Variants in SRGAP1 observed in about 807,000 individuals in gnomAD.
The protein encoded by SRGAP1 is SLIT-ROBO Rho GTPase activating protein 1.
SRGAP1 carries 43 observed loss-of-function variants against 121.9 expected under a neutral mutation model. The observed-to-expected ratio is 0.35, with a 90% CI of 0.28 to 0.46. The LOEUF is 0.46. SRGAP1 is among the 20% of genes least tolerant of loss of function. The pLI is 1.00. For missense variants in SRGAP1, 1,102 were observed against 1,350.9 expected (o/e 0.82, Z 2.89); for synonymous variants, 447 against 485.4 (o/e 0.92, Z 1.04).
At chr12:64,021,927 A>G (rs1054105338) in intron 4 of SRGAP1, among the ~76,000 whole-genome samples, 29 of 152,238 alleles carry the variant, frequency 1.9e-4, no homozygotes, top group African/African-American at 6.5e-4. Context: ...TGAGTTAAAC[A>G]TTTGAAAGCA....
Position 64,122,467 on chromosome 12 carries a change from T to A in SRGAP1, c.2225-3510T>A, listed in dbSNP as rs528561045. Among the ~76,000 whole-genome samples, 59 of 152,262 alleles carry A rather than the reference T, an allele frequency of 3.9e-4. No homozygotes were observed. In the Middle Eastern group the frequency reaches 0.02, roughly 53 times the overall value. ...CTCACAGGAGTAGAAAGAGTAAAAA[T>A]AATGAAATTGCTGAGAATTACTAGT... On this transcript the variant is annotated intron_variant, in intron 18 of 21. Coordinates refer to ENST00000355086, the MANE Select transcript of SRGAP1 (RefSeq NM_020762.4).
At chr12:63,922,123 C>T (rs548044217) in intron 1 of SRGAP1, among the ~76,000 whole-genome samples, 8 of 152,016 alleles carry the variant, frequency 5.3e-5, no homozygotes, top group East Asian at 3.9e-4. Context: ...AGGTTACAGG[C>T]GCCCACCACC....
intron 1 of SRGAP1, among the ~76,000 whole-genome samples, chr12:63,932,830 A>G (rs963758026): frequency 6.6e-6 from 1 of 152,194 alleles, no homozygotes; most frequent in Non-Finnish European, 1.5e-5. Context: ...CTGCATTCTG[A>G]TATGAGACTG....
At chr12:64,037,888 A>T (rs1371463500) in intron 4 of SRGAP1, among the ~76,000 whole-genome samples, 1 of 152,228 alleles carries the variant, frequency 6.6e-6, no homozygotes, top group African/African-American at 2.4e-5. Context: ...CACATGTTGA[A>T]TACATAAATA....
At chr12:64,034,027 C>CAATA (rs890660746) in intron 4 of SRGAP1, among the ~76,000 whole-genome samples, 3 of 152,118 alleles carry the variant, frequency 2.0e-5, no homozygotes, top group African/African-American at 4.8e-5. Context: ...GACTCTGTCT[C>CAATA]AATAAATAAA....
intron 2 of SRGAP1, among the ~76,000 whole-genome samples, chr12:63,989,605 C>T (rs929926508): frequency 1.3e-5 from 2 of 152,218 alleles, no homozygotes; most frequent in African/African-American, 2.4e-5. Context: ...GCGTTTAAAG[C>T]TGAGGGCCTG....
At chr12:63,865,381 A>G (rs567223724) in intron 1 of SRGAP1, among the ~76,000 whole-genome samples, 3 of 152,182 alleles carry the variant, frequency 2.0e-5, no homozygotes, top group Admixed American at 2.0e-4. Context: ...AGGCAGGAGA[A>G]TCGCTTGAAC....
rs1268838027 is a variant in SRGAP1 at position 64,021,436 on chromosome 12, AT to A, written c.489+4426del. On this transcript the variant is annotated intron_variant, in intron 4 of 21. Coordinates refer to ENST00000355086, the MANE Select transcript of SRGAP1 (RefSeq NM_020762.4). ...TTATTGTGCTAAGCATATTATTTGC[AT>A]TATTTTATGTAATCCTCACAGCACC... Among the ~76,000 whole-genome samples, 3 of 152,324 alleles carry A rather than the reference AT, an allele frequency of 2.0e-5. No homozygotes were observed. The East Asian group carries it at 5.8e-4, about 29-fold the overall frequency.
intron 1 of SRGAP1, among the ~76,000 whole-genome samples, chr12:63,920,141 A>G (rs2030981804): frequency 6.6e-6 from 1 of 152,256 alleles, no homozygotes; most frequent in Non-Finnish European, 1.5e-5. Context: ...GAGCTCCAGC[A>G]GACCCACTTT....
At chr12:63,972,701 A>T (rs1247055238) in intron 1 of SRGAP1, among the ~76,000 whole-genome samples, 1 of 152,254 alleles carries the variant, frequency 6.6e-6, no homozygotes, top group African/African-American at 2.4e-5. Flanking sequence ...CATAATAGCA[A>T]TAGTACAATA....
intron 3 of SRGAP1, among the ~76,000 whole-genome samples, chr12:64,010,976 G>A (rs1432142742): frequency 6.6e-6 from 1 of 151,784 alleles, no homozygotes; most frequent in Non-Finnish European, 1.5e-5. Flanking sequence ...TTGGGGGCAA[G>A]TTGAAGTTAC....
intron 1 of SRGAP1, among the ~76,000 whole-genome samples, chr12:63,951,319 A>G (rs1436460793): frequency 3.3e-5 from 5 of 151,546 alleles, no homozygotes; most frequent in African/African-American, 1.2e-4. Context: ...GCCCACCACC[A>G]TGCCCGGCTA....
At chr12:64,117,848 A>G (rs2036547742) in intron 18 of SRGAP1, among the ~76,000 whole-genome samples, 1 of 152,188 alleles carries the variant, frequency 6.6e-6, no homozygotes, top group African/African-American at 2.4e-5. Context: ...GTGAACTTAC[A>G]TAGTGTTTGT....
chr12:64,059,633 G>C (rs1350634472), intron 6 of SRGAP1, among the ~76,000 whole-genome samples: 1 of 151,952 alleles, frequency 6.6e-6, no homozygotes, highest in Non-Finnish European at 1.5e-5. Context: ...TTACAAATTT[G>C]TGTTTTCATT....
chr12:63,875,294 G>A (rs889263389), intron 1 of SRGAP1, among the ~76,000 whole-genome samples: 11 of 152,092 alleles, frequency 7.2e-5, no homozygotes, highest in East Asian at 3.9e-4. Context: ...GTGTGTGTGT[G>A]TATATTTGTT....
At chr12:63,890,572 G>T (rs927431444) in intron 1 of SRGAP1, among the ~76,000 whole-genome samples, 2 of 152,162 alleles carry the variant, frequency 1.3e-5, no homozygotes, top group South Asian at 4.1e-4. Context: ...GGTGAGTTGT[G>T]GGGTGTGGGC....
rs115535254 is a variant in SRGAP1 at position 63,950,503 on chromosome 12, C to A, written c.68-33444C>A. Among the ~76,000 whole-genome samples the A allele has an allele frequency of 2.8e-3, 429 of 152,134 alleles. 2 individuals are homozygous for A. Among genetic ancestry groups the A allele is most frequent in the African/African-American group, 9.7e-3 (404 of 41,504 alleles). On this transcript the variant is annotated intron_variant, in intron 1 of 21. Coordinates refer to ENST00000355086, the MANE Select transcript of SRGAP1 (RefSeq NM_020762.4). ...TCTGTTTTCTGGCAGGATGATGGCT[C>A]TAACGTGCTGCACATGGTGTCTAGG...
chr12:63,991,876 A>G (rs2033564473), intron 3 of SRGAP1, among the ~76,000 whole-genome samples: 2 of 152,210 alleles, frequency 1.3e-5, no homozygotes, highest in African/African-American at 4.8e-5. Context: ...AGGGGAGCAG[A>G]GCTAAAAGAC....
At chr12:64,020,706 G>T (rs530874999) in intron 4 of SRGAP1, among the ~76,000 whole-genome samples, 1 of 152,072 alleles carries the variant, frequency 6.6e-6, no homozygotes, top group African/African-American at 2.4e-5. Flanking sequence ...AGCCAGGCGT[G>T]GTGGCAGGTG....
Sources: gnomAD v4.1 joint callset for allele counts (sites outside exome capture counted in the v4.1 genomes callset) on GRCh38, gnomAD v4.1.1 for gene constraint, MANE v1.5 for transcripts, NCBI Gene and HGNC (gene_info 2026-07-23, HGNC 2026-07-21) for gene names.